Variants in MAML3 observed in about 807,000 individuals in gnomAD.
MAML3 encodes the protein mastermind like transcriptional coactivator 3.
In MAML3, 27 loss-of-function variants were observed where a neutral mutation model predicts 101.9. The observed-to-expected ratio is 0.27, with a 90% confidence interval of 0.20 to 0.37. MAML3 has a LOEUF of 0.37. Ranked by LOEUF, MAML3 falls within the 10% of genes least tolerant of loss-of-function variation. The pLI is 1.00. For synonymous variants in MAML3, 501 were observed against 555.9 expected, an observed-to-expected ratio of 0.90 and a Z score of 1.39; for missense variants, 1,316 against 1,444.9, an observed-to-expected ratio of 0.91 and a Z score of 1.45.
chr4:139,989,142 G>A (rs528717223), intron 1 of MAML3, among the ~76,000 whole-genome samples: 12 of 152,044 alleles, frequency 7.9e-5, no homozygotes, highest in Middle Eastern at 3.4e-3. Context: ...GGCTCTGGAC[G>A]GGACAGAAGC....
intron 1 of MAML3, among the ~76,000 whole-genome samples, chr4:140,147,117 G>A (rs1287442598): frequency 3.4e-5 from 4 of 119,110 alleles, no homozygotes; most frequent in Non-Finnish European, 6.6e-5. Context: ...TGACGGCAGA[G>A]TGAGACTCCA....
At chr4:140,007,025 G>A (rs1726464840) in intron 1 of MAML3, among the ~76,000 whole-genome samples, 1 of 152,140 alleles carries the variant, frequency 6.6e-6, no homozygotes, top group Non-Finnish European at 1.5e-5. Flanking sequence ...GATAGAGGTA[G>A]GTGATAGTTT....
intron 1 of MAML3, among the ~76,000 whole-genome samples, chr4:140,149,939 C>CTTT (rs3051828): frequency 0.13 from 17,304 of 129,708 alleles, 1,413 homozygotes; most frequent in East Asian, 0.32. Context: ...ATGTTTCTTT[C>CTTT]TTTTTTTTTT....
At chr4:140,074,405 G>A (rs185032244) in intron 1 of MAML3, among the ~76,000 whole-genome samples, 32 of 152,104 alleles carry the variant, frequency 2.1e-4, no homozygotes, top group Non-Finnish European at 1.0e-4. Context: ...AAATGACCTC[G>A]GAAGGGTCAG....
At chr4:140,015,265 A>T (rs977407702) in intron 1 of MAML3, among the ~76,000 whole-genome samples, 4 of 152,184 alleles carry the variant, frequency 2.6e-5, no homozygotes, top group Non-Finnish European at 5.9e-5. Context: ...GTACGCAAAG[A>T]AAAAAGAGAA....
chr4:140,133,987 T>C, intron 1 of MAML3: 1 of 369,372 alleles, frequency 2.7e-6, no homozygotes, highest in South Asian at 2.0e-5. Flanking sequence ...CATTTTCCTC[T>C]TTCTCCAACT....
At chr4:139,802,570 C>T (rs1157700308) in intron 2 of MAML3, among the ~76,000 whole-genome samples, 5 of 152,188 alleles carry the variant, frequency 3.3e-5, no homozygotes, top group African/African-American at 1.2e-4. Flanking sequence ...CGAACAATCC[C>T]TATTTCTTAA....
chr4:139,830,446 G>T (rs533984071), intron 2 of MAML3, among the ~76,000 whole-genome samples: 1 of 123,900 alleles, frequency 8.1e-6, no homozygotes, highest in Admixed American at 1.0e-4. Context: ...ACGGAGTCTC[G>T]CTCCGTCACC....
chr4:139,963,300 T>C (rs551088582), intron 1 of MAML3, among the ~76,000 whole-genome samples: 1 of 152,294 alleles, frequency 6.6e-6, no homozygotes, highest in East Asian at 1.9e-4. Flanking sequence ...ACAAATCTCC[T>C]AGGGATCTTG....
intron 1 of MAML3, among the ~76,000 whole-genome samples, chr4:139,901,179 C>T (rs1732711343): frequency 6.6e-6 from 1 of 152,194 alleles, no homozygotes; most frequent in Non-Finnish European, 1.5e-5. Context: ...CTTGTGCTTC[C>T]TCTACAAGGA....
chr4:139,769,038 G>C (rs1255511271), intron 2 of MAML3, among the ~76,000 whole-genome samples: 1 of 152,222 alleles, frequency 6.6e-6, no homozygotes, highest in Non-Finnish European at 1.5e-5. Flanking sequence ...GTAACAACAA[G>C]GTGTTTAGGA....
At chr4:139,816,373 G>A (rs1730892764) in intron 2 of MAML3, among the ~76,000 whole-genome samples, 1 of 152,182 alleles carries the variant, frequency 6.6e-6, no homozygotes, top group Admixed American at 6.5e-5. Flanking sequence ...CCGACCCTCT[G>A]GTAAAAAGCT....
At chr4:140,018,714 T>C (rs889663414) in intron 1 of MAML3, among the ~76,000 whole-genome samples, 5 of 152,232 alleles carry the variant, frequency 3.3e-5, no homozygotes, top group African/African-American at 4.8e-5. Flanking sequence ...CTGCTAATCA[T>C]GTTTTTATGA....
intron 1 of MAML3, among the ~76,000 whole-genome samples, chr4:140,038,341 T>C (rs1727022648): frequency 1.3e-5 from 2 of 152,196 alleles, no homozygotes; most frequent in Non-Finnish European, 2.9e-5. Flanking sequence ...ATGGTGCACC[T>C]CTTGTGGCTC....
intron 1 of MAML3, among the ~76,000 whole-genome samples, chr4:140,072,534 G>A (rs886652136): frequency 9.9e-5 from 15 of 152,146 alleles, no homozygotes; most frequent in African/African-American, 3.4e-4. Context: ...GCCAGGCATG[G>A]TGGCGCGTGC....
chr4:140,121,879 G>C (rs1199400737), intron 1 of MAML3, among the ~76,000 whole-genome samples: 1 of 152,138 alleles, frequency 6.6e-6, no homozygotes. Flanking sequence ...CCAGTGGGGG[G>C]TAACTGAATC....
chr4:139,889,081 T>A, intron 2 of MAML3: 1 of 582,170 alleles, frequency 1.7e-6, no homozygotes, highest in South Asian at 1.5e-5. Flanking sequence ...TCCCTCAGAG[T>A]GAGAATTTTA....
At chr4:139,964,407 AAG>A (rs1196020309) in intron 1 of MAML3, among the ~76,000 whole-genome samples, 10 of 152,114 alleles carry the variant, frequency 6.6e-5, no homozygotes, top group African/African-American at 2.2e-4. Context: ...CATAGACACA[AAG>A]AGGGGAACAA....
chr4:140,080,541 G>A (rs1727846132), intron 1 of MAML3, among the ~76,000 whole-genome samples: 1 of 152,192 alleles, frequency 6.6e-6, no homozygotes, highest in East Asian at 1.9e-4. Flanking sequence ...ATGTAACAGT[G>A]AGAAATGGAT....
Sources: allele counts gnomAD v4.1 joint callset (sites outside exome capture counted in the v4.1 genomes callset), GRCh38; gene constraint gnomAD v4.1.1; transcripts MANE v1.5; gene names NCBI Gene and HGNC (gene_info 2026-07-23, HGNC 2026-07-21).